Variants in DYSF observed in about 807,000 individuals in gnomAD.
The protein encoded by DYSF is dysferlin, also known as dystrophy-associated fer-1-like 1.
DYSF carries 212 observed loss-of-function variants against 274.9 expected under a neutral mutation model. The observed-to-expected ratio is 0.77, with a 90% CI of 0.69 to 0.86. The LOEUF is 0.86. DYSF is among the 40% of genes least tolerant of loss of function. The pLI, the probability that DYSF is intolerant of heterozygous loss-of-function variation, is 0.00. For missense variants in DYSF, 2,666 were observed against 2,783.2 expected (o/e 0.96, Z 0.95); for synonymous variants, 1,091 against 1,078.7 (o/e 1.01, Z -0.22).
chr2:71,525,552 A>G (rs1302859225), intron 12 of DYSF, among the ~76,000 whole-genome samples: 1 of 152,150 alleles, frequency 6.6e-6, no homozygotes, highest in African/African-American at 2.4e-5. Flanking sequence ...TGTGCCGCCA[A>G]GTTTGAGACC....
At chr2:71,480,997 C>T in intron 2 of DYSF, 59 bp downstream of exon 2, 1 of 1,540,006 alleles carries the variant, frequency 6.5e-7, no homozygotes. Context: ...TCTGCAGGGA[C>T]AAGTTAGGGG....
intron 34 of DYSF, 42 bp from the exon 35 acceptor site, chr2:71,601,457 G>C: frequency 6.2e-7 from 1 of 1,614,070 alleles, no homozygotes; most frequent in Non-Finnish European, 8.5e-7. Flanking sequence ...GGGGGCCTTA[G>C]GTGACAAGCA....
chr2:71,654,186 A>G (rs995487466), intron 42 of DYSF, among the ~76,000 whole-genome samples: 2 of 152,232 alleles, frequency 1.3e-5, no homozygotes, highest in Non-Finnish European at 2.9e-5. Flanking sequence ...AATAAATGCA[A>G]TTTAAAATTC....
chr2:71,575,044 G>A (rs997619092), intron 30 of DYSF, among the ~76,000 whole-genome samples: 20 of 152,300 alleles, frequency 1.3e-4, no homozygotes, highest in African/African-American at 4.3e-4. Context: ...AATCCAGCCA[G>A]GACTGGCACC....
intron 1 of DYSF, among the ~76,000 whole-genome samples, chr2:71,459,142 T>C (rs2081185603): frequency 6.6e-6 from 1 of 152,198 alleles, no homozygotes; most frequent in South Asian, 2.1e-4. Flanking sequence ...CGGAAGCCTT[T>C]GGACATTGAC....
intron 30 of DYSF, among the ~76,000 whole-genome samples, chr2:71,584,388 G>A (rs1478328166): frequency 6.6e-6 from 1 of 152,122 alleles, no homozygotes; most frequent in Non-Finnish European, 1.5e-5. Context: ...CCCTCCTCCA[G>A]GAAGCCTTCC....
chr2:71,485,417 G>T (rs1167158890), intron 3 of DYSF, among the ~76,000 whole-genome samples: 1 of 152,188 alleles, frequency 6.6e-6, no homozygotes, highest in Non-Finnish European at 1.5e-5. Context: ...TTCGCTGGGC[G>T]TGGTGGCGGG....
intron 3 of DYSF, among the ~76,000 whole-genome samples, chr2:71,489,297 C>T (rs921884155): frequency 1.3e-5 from 2 of 152,330 alleles, no homozygotes; most frequent in Non-Finnish European, 1.5e-5. Context: ...GTTGAAAAAG[C>T]ACCAAATCAT....
Position 71,526,247 on chromosome 2 carries a change from AAGG to A in DYSF, c.1182_1184del (p.Glu394del). ...GGAGAGAAAAGACCCCTCTGAAGAC[AAGG>A]AGGACATTGAAAGCAACCTGCTCCG... On this transcript the variant is annotated inframe_deletion, in exon 13 of 56. Transcript: ENST00000410020. The A allele has an allele frequency of 4.3e-6, 7 of 1,614,254 alleles. No individual in the cohort carries two copies. Among genetic ancestry groups the A allele is most frequent in the Non-Finnish European group, 5.9e-6 (7 of 1,180,038 alleles).
chr2:71,496,596 T>A (rs1304699092), intron 3 of DYSF, among the ~76,000 whole-genome samples: 1 of 152,040 alleles, frequency 6.6e-6, no homozygotes, highest in Non-Finnish European at 1.5e-5. Context: ...AACCTGGCCC[T>A]ATGGTGCTTA....
intron 32 of DYSF, among the ~76,000 whole-genome samples, chr2:71,594,341 G>T (rs2093350161): frequency 6.6e-6 from 1 of 152,174 alleles, no homozygotes; most frequent in Admixed American, 6.5e-5. Flanking sequence ...TGCATTGGAG[G>T]CTTGTGAAAT....
At chr2:71,472,331 G>A (rs1400982623) in intron 1 of DYSF, among the ~76,000 whole-genome samples, 1 of 152,194 alleles carries the variant, frequency 6.6e-6, no homozygotes, top group Non-Finnish European at 1.5e-5. Flanking sequence ...TTATCCTCCT[G>A]TCAGCCAAGT....
intron 4 of DYSF, among the ~76,000 whole-genome samples, chr2:71,503,520 C>A (rs2085196418): frequency 6.6e-6 from 1 of 152,260 alleles, no homozygotes; most frequent in South Asian, 2.1e-4. Flanking sequence ...GAGCCCTGAC[C>A]CCACCTGCAG....
intron 2 of DYSF, 108 bp from the exon 3 acceptor site, chr2:71,481,771 T>C: frequency 1.3e-6 from 1 of 787,924 alleles, no homozygotes; most frequent in Non-Finnish European, 2.2e-6. Context: ...TCCACTAGAA[T>C]CATTCATGAA....
intron 36 of DYSF, 75 bp from the exon 37 acceptor site, chr2:71,611,170 C>T: frequency 9.1e-7 from 1 of 1,093,886 alleles, no homozygotes; most frequent in Non-Finnish European, 1.4e-6. Context: ...TCTGTCCTAT[C>T]TGTCCTTCTC....
chr2:71,607,338 G>A (rs1292135921), intron 36 of DYSF, among the ~76,000 whole-genome samples: 2 of 152,146 alleles, frequency 1.3e-5, no homozygotes, highest in African/African-American at 4.8e-5. Context: ...TGTCCCAGGA[G>A]GTGGTTCATC....
At chr2:71,600,381 C>T (rs942939991) in intron 33 of DYSF, among the ~76,000 whole-genome samples, 12 of 152,310 alleles carry the variant, frequency 7.9e-5, no homozygotes, top group South Asian at 2.1e-4. Context: ...GCCAGGAGGC[C>T]GTCTCTCTGG....
chr2:71,640,652 G>A (rs897481694), intron 41 of DYSF, among the ~76,000 whole-genome samples: 3 of 152,094 alleles, frequency 2.0e-5, no homozygotes, highest in African/African-American at 7.2e-5. Flanking sequence ...GAATAACCCA[G>A]CTTGACCACG....
chr2:71,649,398 G>A (rs1331499951), intron 42 of DYSF, among the ~76,000 whole-genome samples: 2 of 152,048 alleles, frequency 1.3e-5, no homozygotes, highest in Non-Finnish European at 2.9e-5. Flanking sequence ...AATAAGCATA[G>A]AAGCAAGATA....
Sources: gnomAD v4.1 joint callset for allele counts (sites outside exome capture counted in the v4.1 genomes callset) on GRCh38, gnomAD v4.1.1 for gene constraint, MANE v1.5 for transcripts, NCBI Gene and HGNC (gene_info 2026-07-23, HGNC 2026-07-21) for gene names.